Variants in MFSD2B observed in about 807,000 individuals in gnomAD.
MFSD2B encodes the protein sphingosine-1-phosphate transporter MFSD2B.
Under a neutral mutation model 58.4 loss-of-function variants are expected in MFSD2B, and 56 were observed. The ratio of observed to expected loss-of-function variants is 0.96; its 90% CI spans 0.77 to 1.20. The LOEUF (loss-of-function observed/expected upper bound fraction) is 1.20, where lower values mean the gene tolerates loss of function less well. MFSD2B is among the 50% of genes most tolerant of loss of function. The probability of loss-of-function intolerance (pLI) is 0.00; values close to 1 mark genes in which losing one functional copy is unlikely to be tolerated. For missense variants in MFSD2B, 645 were observed against 667.6 expected, an observed-to-expected ratio of 0.97 and a Z score of 0.37; for synonymous variants, 287 against 294.4, an observed-to-expected ratio of 0.97 and a Z score of 0.26.
rs895969179 is a variant in MFSD2B at position 24,022,780 on chromosome 2, C to G, written c.979-42C>G. 3 of 1,446,344 alleles carry G rather than the reference C, an allele frequency of 2.1e-6. No homozygotes were observed. Among genetic ancestry groups the G allele is most frequent in the African/African-American group, 2.8e-5 (2 of 70,344 alleles). The allele number at this position is 1,446,344 out of a possible 1,614,324, so 89.6% of individuals were successfully genotyped here. A position where few individuals can be genotyped will look rare whatever the true frequency, so the allele number is the denominator to read the frequency against. On this transcript the variant is annotated intron_variant, in intron 9 of 13. Coordinates refer to ENST00000338315, the MANE Select transcript of MFSD2B (RefSeq NM_001346880.2). This position sits in a 1 kb window ranked among gnomAD's most constrained non-coding sequence, Gnocchi z 4.5. ...GGCCTTGGGGTCCCAGGCAAAGGCGCTGGCAGCACGGCCCTGGCGTGACGA... is the reference window on the plus strand; with the variant it reads ...GGCCTTGGGGTCCCAGGCAAAGGCGGTGGCAGCACGGCCCTGGCGTGACGA...
At position 24,013,322 on chromosome 2, in the gene MFSD2B, T is replaced by C; in HGVS notation, c.134T>C (p.Val45Ala). Reference protein sequence around the residue: ...RAGRLSFCTKVCYGIGGVPNQ... With the variant: ...RAGRLSFCTKACYGIGGVPNQ... The stretch of plus-strand genomic sequence containing the variant: ...GGTCGCCTCTCATTCTGTACAAAGG[T>C]GTGCTATGGCATTGGTGGGGTCCCC... Residue 45 changes from valine to alanine, a missense_variant, in exon 2 of 14, where the codon GTG (valine) becomes GCG (alanine). By Grantham distance (64) the Val-to-Ala change is moderately conservative. Coordinates refer to ENST00000338315, the MANE Select transcript of MFSD2B (RefSeq NM_001346880.2). 6.2e-7 allele frequency: 1 copy of C among 1,612,352 alleles called. No homozygotes were observed. The highest frequency in any genetic ancestry group is 8.5e-7 in the Non-Finnish European group (1 of 1,179,402).
Position 24,024,319 on chromosome 2 carries a change from C to T in MFSD2B, c.1490+48C>T. On this transcript the variant is annotated intron_variant, in intron 13 of 13. Coordinates refer to ENST00000338315, the MANE Select transcript of MFSD2B (RefSeq NM_001346880.2). This position sits in a 1 kb window ranked among gnomAD's most constrained non-coding sequence, Gnocchi z 4.3. The stretch of plus-strand genomic sequence containing the variant: ...AGCCAGCGAGGCACAGTGTGGGCTG[C>T]TGGGGGAATGACTAACACCAGCCTG... 1 of 1,538,384 alleles carries T rather than the reference C, an allele frequency of 6.5e-7. No individual in the cohort carries two copies. The highest frequency in any genetic ancestry group is 8.8e-7 in the Non-Finnish European group (1 of 1,141,132).
chr2:24,023,118 G>A lies in MFSD2B; in HGVS notation c.1060-12G>A. On this transcript the variant is annotated splice_polypyrimidine_tract_variant and intron_variant, in intron 10 of 13. Coordinates refer to ENST00000338315, the MANE Select transcript of MFSD2B (RefSeq NM_001346880.2). The surrounding 1 kb of genome is among the most constrained non-coding windows in gnomAD (Gnocchi z 5.0). ...GCAGGTGGCGGGACAGCTGGTGTGT[G>A]TGTCTCCCCAGGCGATGGTGCCCTT... The A allele has an allele frequency of 1.2e-6, 2 of 1,604,720 alleles. No individual in the cohort carries two copies. Among genetic ancestry groups the A allele is most frequent in the Non-Finnish European group, 1.7e-6 (2 of 1,174,228 alleles).
chr2:24,021,745 G>T lies in MFSD2B; in HGVS notation c.772+7G>T. ...GGGGTGAAGGAGCGGCCAGGTATGG[G>T]GTTTGGTGAGGAGGGAAGCAGAAGC... On this transcript the variant is annotated splice_region_variant and intron_variant, in intron 7 of 13. Coordinates refer to ENST00000338315, the MANE Select transcript of MFSD2B (RefSeq NM_001346880.2). The surrounding 1 kb of genome is among the most constrained non-coding windows in gnomAD (Gnocchi z 5.7). The T allele has an allele frequency of 6.2e-7, 1 of 1,613,206 alleles. No homozygotes were observed. Among genetic ancestry groups the T allele is most frequent in the Non-Finnish European group, 8.5e-7 (1 of 1,179,558 alleles).
chr2:24,011,390 T>C (rs1024053481), intron 1 of MFSD2B, among the ~76,000 whole-genome samples: 1 of 152,136 alleles, frequency 6.6e-6, no homozygotes, highest in African/African-American at 2.4e-5. Flanking sequence ...GTTCTTAAAG[T>C]TTTCTGGAAG....
chr2:24,023,419 C>T lies in MFSD2B; in HGVS notation c.1170-164C>T, dbSNP rs1009393223. On this transcript the variant is annotated intron_variant, in intron 11 of 13. Coordinates refer to ENST00000338315, the MANE Select transcript of MFSD2B (RefSeq NM_001346880.2). This position sits in a 1 kb window ranked among gnomAD's most constrained non-coding sequence, Gnocchi z 5.0. ...GGAATGGCGGGGGGCCGGCAGGGGG[C>T]TGGCGGGGGGTACGAGCACACAGGC... 1.1e-6 allele frequency: 1 copy of T among 939,404 alleles called. No homozygotes were observed. Among genetic ancestry groups the T allele is most frequent in the East Asian group, 2.6e-5 (1 of 38,294 alleles). The allele number at this position is 939,404 out of a possible 1,614,324, so 58.2% of individuals were successfully genotyped here. A position where few individuals can be genotyped will look rare whatever the true frequency, so the allele number is the denominator to read the frequency against.
intron 1 of MFSD2B, among the ~76,000 whole-genome samples, chr2:24,011,330 C>G (rs1439436713): frequency 1.3e-5 from 2 of 152,208 alleles, no homozygotes; most frequent in South Asian, 2.1e-4. Flanking sequence ...TTGGGGGATA[C>G]AAGAGTCCCC....
rs777597523 is a variant in MFSD2B, at chr2:24,022,413, C to T, written c.895-20C>T. 7 of 1,605,532 alleles carry T rather than the reference C, an allele frequency of 4.4e-6. No homozygotes were observed. In the East Asian group the frequency reaches 1.3e-4, roughly 31 times the overall value. ...TCCTGCCATGCCCTGCACATACCCA[C>T]TTCCTGTCCATCTCCTCAGGTGGAG... On this transcript the variant is annotated intron_variant, in intron 8 of 13. Transcript: ENST00000338315. The surrounding 1 kb of genome is among the most constrained non-coding windows in gnomAD (Gnocchi z 4.5).
rs1242297050 is a variant in MFSD2B, at chr2:24,023,478, G to GCA, written c.1170-102_1170-101dup. On this transcript the variant is annotated intron_variant, in intron 11 of 13. Coordinates refer to ENST00000338315, the MANE Select transcript of MFSD2B (RefSeq NM_001346880.2). The surrounding 1 kb of genome is among the most constrained non-coding windows in gnomAD (Gnocchi z 5.0). The stretch of plus-strand genomic sequence containing the variant: ...TCTCTGGTGGCCAGTCTGGTCCTGG[G>GCA]CACAGAACTCAGGGATGAATCCACT... 1 of 1,371,482 alleles carries GCA rather than the reference G, an allele frequency of 7.3e-7. No individual in the cohort carries two copies. Among genetic ancestry groups the GCA allele is most frequent in the African/African-American group, 1.4e-5 (1 of 69,874 alleles). 85.0% of individuals were successfully genotyped at this position (1,371,482 alleles called of 1,614,324 possible).
At chr2:24,011,939 G>A (rs1708967123) in intron 1 of MFSD2B, among the ~76,000 whole-genome samples, 1 of 152,182 alleles carries the variant, frequency 6.6e-6, no homozygotes. Flanking sequence ...AGAGGAATGG[G>A]AAGGGCAAAG....
At chr2:24,013,451 T>C (rs778324448) in intron 2 of MFSD2B, 41 bp downstream of exon 2, 3 of 1,558,462 alleles carry the variant, frequency 1.9e-6, no homozygotes, top group Non-Finnish European at 2.6e-6. Context: ...GGCATCTTCC[T>C]TGGGGTCTGG....
At chr2:24,013,754 TTTTTTG>T (rs1181465959) in intron 2 of MFSD2B, among the ~76,000 whole-genome samples, 1 of 31,858 alleles carries the variant, frequency 3.1e-5, no homozygotes, top group African/African-American at 1.3e-4. Context: ...CAGTATGAAT[TTTTTTG>T]TTTTTTTTTT....
rs746197000 is a variant in MFSD2B, at chr2:24,017,708, G to A, written c.681+120G>A. 8 of 1,097,952 alleles carry A rather than the reference G, an allele frequency of 7.3e-6. No homozygotes were observed. The highest frequency in any genetic ancestry group is 8.9e-6 in the Non-Finnish European group (7 of 782,270). 68.0% of individuals were successfully genotyped at this position (1,097,952 alleles called of 1,614,324 possible). On this transcript the variant is annotated intron_variant, in intron 6 of 13. Coordinates refer to ENST00000338315, the MANE Select transcript of MFSD2B (RefSeq NM_001346880.2). The surrounding 1 kb of genome is among the most constrained non-coding windows in gnomAD (Gnocchi z 4.8). ...TGTTGTCTTTTAGGGGGCTCACTGT[G>A]CCCCCTCATTCCTTCCCTGCTCCTC...
At chr2:24,018,898 T>G (rs1476544251) in intron 6 of MFSD2B, among the ~76,000 whole-genome samples, 1 of 145,386 alleles carries the variant, frequency 6.9e-6, no homozygotes, top group Non-Finnish European at 1.5e-5. Context: ...TTGCCCAGGC[T>G]GGAGTGCAGG....
rs1209107599 is a variant in MFSD2B at position 24,016,976 on chromosome 2, G to A, written c.471+8G>A. On this transcript the variant is annotated splice_region_variant and intron_variant, in intron 4 of 13. Coordinates refer to ENST00000338315, the MANE Select transcript of MFSD2B (RefSeq NM_001346880.2). ...TTCCAGGCCCTGGCCACGGTAAGCAGGGCCCCTTCCTGGGCCTGTGCTCTG... is the reference window on the plus strand; with the variant it reads ...TTCCAGGCCCTGGCCACGGTAAGCAAGGCCCCTTCCTGGGCCTGTGCTCTG... 1 of 1,613,548 alleles carries A rather than the reference G, an allele frequency of 6.2e-7. No homozygotes were observed. Among genetic ancestry groups the A allele is most frequent in the Non-Finnish European group, 8.5e-7 (1 of 1,179,858 alleles).
At position 24,010,195 on chromosome 2, in the gene MFSD2B, G is replaced by T; in HGVS notation, c.96+3G>T. On this transcript the variant is annotated splice_donor_region_variant and intron_variant, in intron 1 of 13. Coordinates refer to ENST00000338315, the MANE Select transcript of MFSD2B (RefSeq NM_001346880.2). ...GGAGCGCCAAGCGAGGGCGAGAGGT[G>T]AGCGGGGCGGCGGGGACCGGGAAGG... 7.1e-7 allele frequency: 1 copy of T among 1,403,004 alleles called. No individual in the cohort carries two copies. The highest frequency in any genetic ancestry group is 1.5e-5 in the South Asian group (1 of 65,042). The allele number at this position is 1,403,004 out of a possible 1,614,324, so 86.9% of individuals were successfully genotyped here. A position where few individuals can be genotyped will look rare whatever the true frequency, so the allele number is the denominator to read the frequency against.
rs755205721 is a variant in MFSD2B, at chr2:24,024,300, C to G, written c.1490+29C>G. ...AGCCCCGCACGCCCCCTGCAGCCAGCGAGGCACAGTGTGGGCTGCTGGGGG... is the reference window on the plus strand; with the variant it reads ...AGCCCCGCACGCCCCCTGCAGCCAGGGAGGCACAGTGTGGGCTGCTGGGGG... On this transcript the variant is annotated intron_variant, in intron 13 of 13. Coordinates refer to ENST00000338315, the MANE Select transcript of MFSD2B (RefSeq NM_001346880.2). This position sits in a 1 kb window ranked among gnomAD's most constrained non-coding sequence, Gnocchi z 4.3. 8 of 1,569,218 alleles carry G rather than the reference C, an allele frequency of 5.1e-6. No individual in the cohort carries two copies. In the South Asian group the frequency reaches 9.3e-5, roughly 18 times the overall value.
rs1246913451 is a variant in MFSD2B, at chr2:24,017,340, G to C, written c.526G>C (p.Glu176Gln). 1 of 1,606,682 alleles carries C rather than the reference G, an allele frequency of 6.2e-7. No individual in the cohort carries two copies. The highest frequency in any genetic ancestry group is 2.2e-5 in the East Asian group (1 of 44,446). The change falls in exon 5 of 14, where the codon GAG becomes CAG. Residue 176 changes from glutamate (E) to glutamine (Q), a missense_variant. By Grantham distance (29) the Glu-to-Gln change is conservative (BLOSUM62 2). Coordinates refer to ENST00000338315, the MANE Select transcript of MFSD2B (RefSeq NM_001346880.2). This position sits in a 1 kb window ranked among gnomAD's most constrained non-coding sequence, Gnocchi z 4.8. ...CATGCTGCTGACTCCCTGCCCAAGG[G>C]AGCGGGACTCGGCCACCGCCTACCG... Reference protein sequence around the residue: ...LTMLLTPCPRERDSATAYRMT... With the variant: ...LTMLLTPCPRQRDSATAYRMT...
chr2:24,026,205 T>G lies in MFSD2B; in HGVS notation c.*749T>G, dbSNP rs906673446. 6.6e-6 allele frequency: 1 copy of G among 152,168 alleles called. No individual in the cohort carries two copies. The highest frequency in any genetic ancestry group is 1.5e-5 in the Non-Finnish European group (1 of 68,056). The allele number at this position is 152,168 out of a possible 1,614,324, so 9.4% of individuals were successfully genotyped here. A position where few individuals can be genotyped will look rare whatever the true frequency, so the allele number is the denominator to read the frequency against. ...ACAGCCATGTTAGAACAAATTTGGG[T>G]TTTCAAAACAAGCGTAACTGAACAG... On this transcript the variant is annotated 3_prime_UTR_variant, in exon 14 of 14. Transcript: ENST00000338315.
Sources: allele counts gnomAD v4.1 joint callset (sites outside exome capture counted in the v4.1 genomes callset), GRCh38; gene constraint gnomAD v4.1.1; non-coding constraint Gnocchi (gnomAD v3.1); transcripts MANE v1.5; gene names NCBI Gene and HGNC (gene_info 2026-07-23, HGNC 2026-07-21).